Variants in CD46 observed in about 807,000 individuals in gnomAD.
CD46 encodes CD46 molecule.
In CD46, 30 loss-of-function variants were observed where a neutral mutation model predicts 53.3. That is an observed-to-expected ratio of 0.56 (90% CI 0.42 to 0.76). The LOEUF (loss-of-function observed/expected upper bound fraction) is 0.76. Among genes scored for constraint, CD46 ranks in the 30% least tolerant of loss-of-function variants. The probability of loss-of-function intolerance (pLI) is 0.00; values close to 1 mark genes in which losing one functional copy is unlikely to be tolerated. For synonymous variants in CD46, 142 were observed against 152.0 expected (o/e 0.93, Z 0.48); for missense variants, 409 against 463.0 (o/e 0.88, Z 1.07).
chr1:207,785,082 A>G lies in CD46; in HGVS notation c.994A>G (p.Ile332Val), dbSNP rs374589915. ...GILDSLDVWV[I>V]AVIVIAIVVG... ...GTTTTCTTTCTCAGATGTTTGGGTC[A>G]TTGCTGTGATTGTTATTGCCATAGG... The change falls in exon 10 of 13, where the codon ATT (isoleucine) becomes GTT (valine). Residue 332 changes from isoleucine to valine, a missense_variant. Coordinates refer to ENST00000367042, the MANE Select transcript of CD46 (RefSeq NM_172351.3). The G allele has an allele frequency of 6.8e-6, 11 of 1,613,028 alleles. No homozygotes were observed. In the African/African-American group the frequency reaches 1.5e-4, roughly 22 times the overall value.
At position 207,793,801 on chromosome 1, in the gene CD46, C is replaced by T. The variant is rs1660018741; in HGVS notation, c.*324C>T. On this transcript the variant is annotated 3_prime_UTR_variant, in exon 13 of 13. Coordinates refer to ENST00000367042, the MANE Select transcript of CD46 (RefSeq NM_172351.3). ...ATTGCCTGCTTTCCCTTAAATAACA[C>T]TTAGATTTATTGGACCAGTCAGCAC... is the stretch of plus-strand genomic sequence containing the variant. 1 of 623,908 alleles carries T rather than the reference C, an allele frequency of 1.6e-6. No homozygotes were observed. Among genetic ancestry groups the T allele is most frequent in the Admixed American group, 2.3e-5 (1 of 44,254 alleles). 38.6% of individuals were successfully genotyped at this position (623,908 alleles called of 1,614,324 possible). A position where few individuals can be genotyped will look rare whatever the true frequency, so the allele number is the denominator to read the frequency against.
At chr1:207,757,356 T>G (rs1227207353) in intron 2 of CD46, among the ~76,000 whole-genome samples, 154 bp downstream of exon 2, 1 of 152,196 alleles carries the variant, frequency 6.6e-6, no homozygotes, top group African/African-American at 2.4e-5. Context: ...AATCAAAATC[T>G]CCAAGAAATC....
intron 11 of CD46, among the ~76,000 whole-genome samples, chr1:207,788,539 A>C (rs927334265): frequency 6.6e-6 from 1 of 151,894 alleles, no homozygotes; most frequent in Non-Finnish European, 1.5e-5. Context: ...ACACAAAAAA[A>C]CCCCAAAGAT....
intron 7 of CD46, 49 bp downstream of exon 7, chr1:207,767,872 G>A: frequency 7.2e-7 from 1 of 1,397,092 alleles, no homozygotes; most frequent in Non-Finnish European, 1.0e-6. Context: ...TTAAATTCCT[G>A]GTGATTTTTT....
chr1:207,785,509 A>G, intron 10 of CD46, 110 bp from the exon 11 acceptor site: 1 of 835,218 alleles, frequency 1.2e-6, no homozygotes, highest in Non-Finnish European at 2.1e-6. Flanking sequence ...AGGTGCTTAA[A>G]TAACATTTGA....
At chr1:207,760,559 A>C (rs1282503769) in intron 4 of CD46, 1 of 152,256 alleles carries the variant, frequency 6.6e-6, no homozygotes, top group African/African-American at 2.4e-5. Context: ...ACTAGAACAG[A>C]ACTTAGCATG....
At chr1:207,773,371 G>A (rs1042828588) in intron 8 of CD46, among the ~76,000 whole-genome samples, 1 of 152,094 alleles carries the variant, frequency 6.6e-6, no homozygotes. Flanking sequence ...AGTTTTTGAA[G>A]GGTTTTTTAT....
intron 8 of CD46, among the ~76,000 whole-genome samples, chr1:207,782,609 A>C (rs1001227715): frequency 6.7e-6 from 1 of 149,116 alleles, no homozygotes; most frequent in Non-Finnish European, 1.5e-5. Context: ...ATTTCAGGTC[A>C]ACTCTAAAGC....
chr1:207,767,779 T>G lies in CD46; in HGVS notation c.857T>G (p.Val286Gly), dbSNP rs1280060537. 1 of 1,612,606 alleles carries G rather than the reference T, an allele frequency of 6.2e-7. No individual in the cohort carries two copies. Among genetic ancestry groups the G allele is most frequent in the African/African-American group, 1.3e-5 (1 of 74,884 alleles). ...TCTACATTATTATTTTGTTTTCCAG[T>G]GTCGACTTCTTCCACTACAAAATCT... ...WDPPVPKCLK[V>G]STSSTTKSPA... is the part of the protein sequence containing the mutation. Residue 286 changes from valine to glycine, a missense_variant and splice_region_variant, in exon 7 of 13, where the codon GTG (valine) becomes GGG (glycine). Coordinates refer to ENST00000367042, the MANE Select transcript of CD46 (RefSeq NM_172351.3).
intron 8 of CD46, among the ~76,000 whole-genome samples, chr1:207,778,987 A>G (rs1658426848): frequency 6.6e-6 from 1 of 152,134 alleles, no homozygotes; most frequent in South Asian, 2.1e-4. Context: ...TTCTCATTGC[A>G]GAGATGTTTC....
intron 8 of CD46, among the ~76,000 whole-genome samples, chr1:207,782,019 T>C (rs1658792419): frequency 6.6e-6 from 1 of 152,184 alleles, no homozygotes. Context: ...TTGTATAGTA[T>C]TGACAGTTTA....
intron 6 of CD46, 41 bp downstream of exon 6, chr1:207,767,236 T>A (rs1300832400): frequency 1.3e-6 from 2 of 1,524,578 alleles, no homozygotes; most frequent in East Asian, 2.3e-5. Context: ...TTGTTATTGT[T>A]GTTGCTGTTC....
intron 11 of CD46, among the ~76,000 whole-genome samples, chr1:207,788,760 A>G (rs1213102440): frequency 2.0e-5 from 3 of 152,224 alleles, no homozygotes; most frequent in African/African-American, 7.2e-5. Context: ...ACTGGTATTT[A>G]TGGTGATTTG....
intron 11 of CD46, among the ~76,000 whole-genome samples, chr1:207,788,465 G>GC (rs1659489103): frequency 6.6e-6 from 1 of 152,012 alleles, no homozygotes; most frequent in Non-Finnish European, 1.5e-5. Context: ...CTTGCAGTGA[G>GC]CGAGATTGCG....
chr1:207,765,452 T>C (rs1036391115), intron 5 of CD46, among the ~76,000 whole-genome samples: 2 of 152,172 alleles, frequency 1.3e-5, no homozygotes, highest in Non-Finnish European at 2.9e-5. Flanking sequence ...GTCTAATTAA[T>C]AAAGACCTAA....
chr1:207,762,971 T>G (rs1360341122), intron 5 of CD46: 1 of 152,608 alleles, frequency 6.6e-6, no homozygotes, highest in African/African-American at 2.4e-5. Context: ...AAGAGCAGCA[T>G]CTGGGAGACG....
intron 10 of CD46, 26 bp from the exon 11 acceptor site, chr1:207,785,593 G>A: frequency 1.3e-6 from 2 of 1,537,366 alleles, no homozygotes; most frequent in Non-Finnish European, 1.8e-6. Flanking sequence ...AGAATTATAT[G>A]TCATTTGTTT....
chr1:207,762,361 A>G (rs2724359), intron 5 of CD46, among the ~76,000 whole-genome samples: 93,048 of 151,934 alleles, frequency 0.61, 28,871 homozygotes, highest in East Asian at 0.91. Flanking sequence ...TTAAGAAACT[A>G]AAAAAGAGCA....
chr1:207,790,364 T>G lies in CD46; in HGVS notation c.*41+19T>G. On this transcript the variant is annotated intron_variant, in intron 12 of 12. Coordinates refer to ENST00000367042, the MANE Select transcript of CD46 (RefSeq NM_172351.3). ...TTAAAAGGTATCTGTTTTCTGTTGT[T>G]TATTTTCAGATGTCCTTTCTTTTGA... 8.0e-7 allele frequency: 1 copy of G among 1,256,702 alleles called. No homozygotes were observed. The highest frequency in any genetic ancestry group is 1.2e-6 in the Non-Finnish European group (1 of 857,104). 77.8% of individuals were successfully genotyped at this position (1,256,702 alleles called of 1,614,324 possible). A position where few individuals can be genotyped will look rare whatever the true frequency, so the allele number is the denominator to read the frequency against.
Sources: allele counts gnomAD v4.1 joint callset (sites outside exome capture counted in the v4.1 genomes callset), GRCh38; gene constraint gnomAD v4.1.1; transcripts MANE v1.5; gene names NCBI Gene and HGNC (gene_info 2026-07-23, HGNC 2026-07-21).